THRB: variants seen among roughly 807,000 people sequenced by gnomAD.
The protein encoded by THRB is thyroid hormone receptor beta.
THRB carries 12 observed loss-of-function variants against 47.8 expected under a neutral mutation model. The ratio of observed to expected loss-of-function variants is 0.25; its 90% confidence interval spans 0.16 to 0.41. The LOEUF is 0.41. Among genes scored for constraint, THRB ranks in the 10% least tolerant of loss-of-function variants. The pLI is 1.00. For missense variants in THRB, 348 were observed against 589.2 expected, an observed-to-expected ratio of 0.59 and a Z score of 4.24; for synonymous variants, 218 against 212.2, an observed-to-expected ratio of 1.03 and a Z score of -0.24.
At chr3:24,296,216 G>A (rs1011991511) in intron 3 of THRB, among the ~76,000 whole-genome samples, 2 of 152,200 alleles carry the variant, frequency 1.3e-5, no homozygotes, top group Admixed American at 1.3e-4. Flanking sequence ...TCTTGAAATG[G>A]AGAAAAGGAC....
rs1335047244 is a variant in THRB, at chr3:24,183,442, C to T, written c.283+6632G>A. ...AGTGCAATGGCGCTATCTTGGCTCA[C>T]TGCAACCTCTGCCTCCTGGGTTCCA... On this transcript the variant is annotated intron_variant, in intron 5 of 10. Transcript: ENST00000646209. 2.7e-5 allele frequency among the ~76,000 whole-genome samples: 4 copies of T among 147,910 alleles called. No homozygotes were observed. In the East Asian group the frequency reaches 8.1e-4, roughly 30 times the overall value.
chr3:24,265,583 A>G (rs2052568328), intron 3 of THRB, among the ~76,000 whole-genome samples: 1 of 152,228 alleles, frequency 6.6e-6, no homozygotes, highest in Admixed American at 6.5e-5. Flanking sequence ...TGTCCATTAA[A>G]TTATTTTGCT....
At chr3:24,226,057 A>G (rs546579578) in intron 4 of THRB, among the ~76,000 whole-genome samples, 1 of 152,326 alleles carries the variant, frequency 6.6e-6, no homozygotes, top group East Asian at 1.9e-4. Context: ...CGGTTGAAAG[A>G]GCCTACAAAA....
intron 1 of THRB, among the ~76,000 whole-genome samples, chr3:24,411,069 T>G (rs1236185062): frequency 6.6e-6 from 1 of 151,826 alleles, no homozygotes; most frequent in Non-Finnish European, 1.5e-5. Context: ...TGGCTGGGGT[T>G]AGCAGTGCAG....
intron 3 of THRB, among the ~76,000 whole-genome samples, chr3:24,277,254 C>A (rs150969986): frequency 6.9e-4 from 105 of 152,218 alleles, no homozygotes; most frequent in Non-Finnish European, 1.3e-3. Context: ...GACTGAGGAG[C>A]GGGTGCCACG....
intron 3 of THRB, among the ~76,000 whole-genome samples, chr3:24,272,347 A>AAACAACAACAACAAC (rs35975177): frequency 0.014 from 2,080 of 149,856 alleles, 21 homozygotes; most frequent in African/African-American, 0.025. Context: ...CTCTCTCTCA[A>AAACAACAACAACAAC]AACAACAACA....
chr3:24,441,130 A>G (rs1005956609), intron 1 of THRB, among the ~76,000 whole-genome samples: 6 of 152,192 alleles, frequency 3.9e-5, no homozygotes, highest in Non-Finnish European at 8.8e-5. Context: ...GGCTGTTCTC[A>G]GTTCCTAAAG....
intron 3 of THRB, among the ~76,000 whole-genome samples, chr3:24,296,701 G>A (rs1361063822): frequency 6.6e-6 from 1 of 152,216 alleles, no homozygotes. Context: ...CATAAAGGAG[G>A]TATCCTGTGG....
chr3:24,127,235 T>C (rs1217242795), intron 10 of THRB, among the ~76,000 whole-genome samples: 1 of 152,200 alleles, frequency 6.6e-6, no homozygotes, highest in Non-Finnish European at 1.5e-5. Context: ...GGCTGCACAG[T>C]ATCCACCAAA....
chr3:24,421,171 G>C (rs548827304), intron 1 of THRB, among the ~76,000 whole-genome samples: 1 of 151,952 alleles, frequency 6.6e-6, no homozygotes, highest in South Asian at 2.1e-4. Flanking sequence ...CACATAGAGG[G>C]GAACAATAGA....
intron 3 of THRB, among the ~76,000 whole-genome samples, chr3:24,273,677 A>G (rs1023460797): frequency 8.5e-5 from 13 of 152,160 alleles, no homozygotes; most frequent in African/African-American, 2.9e-4. Flanking sequence ...CTTAGTGTAA[A>G]TATTTGTATG....
At chr3:24,170,062 C>T (rs933899734) in intron 5 of THRB, among the ~76,000 whole-genome samples, 1 of 152,128 alleles carries the variant, frequency 6.6e-6, no homozygotes, top group African/African-American at 2.4e-5. Context: ...ACCTCTGAAA[C>T]CAGGATCCTA....
chr3:24,258,580 T>C (rs2051579923), intron 3 of THRB, among the ~76,000 whole-genome samples: 2 of 152,130 alleles, frequency 1.3e-5, no homozygotes, highest in South Asian at 4.1e-4. Context: ...AGCATGCAGG[T>C]GGGGCCATCT....
chr3:24,378,779 T>C lies in THRB; in HGVS notation c.-260-41408A>G, dbSNP rs1243357261. Among the ~76,000 whole-genome samples the C allele has an allele frequency of 5.9e-5, 9 of 152,270 alleles. No homozygotes were observed. The South Asian group carries it at 1.7e-3, about 28-fold the overall frequency. ...ATTCATAAATACTATTCTAGGAAAC[T>C]AACTTTATTAATAAAAATTTTACTC... is the stretch of plus-strand genomic sequence containing the variant. On this transcript the variant is annotated intron_variant, in intron 1 of 10. Coordinates refer to ENST00000646209, the MANE Select transcript of THRB (RefSeq NM_001354712.2).
intron 5 of THRB, among the ~76,000 whole-genome samples, chr3:24,179,548 T>A (rs2041626470): frequency 6.6e-6 from 1 of 152,190 alleles, no homozygotes; most frequent in South Asian, 2.1e-4. Flanking sequence ...GAGATTAATT[T>A]AGAACAAAAT....
chr3:24,380,056 T>C (rs1005654668), intron 1 of THRB, among the ~76,000 whole-genome samples: 3 of 150,714 alleles, frequency 2.0e-5, no homozygotes, highest in Non-Finnish European at 2.9e-5. Flanking sequence ...ATAAATATTG[T>C]CATCATTTTA....
At chr3:24,321,591 T>C (rs972297307) in intron 2 of THRB, among the ~76,000 whole-genome samples, 1 of 152,128 alleles carries the variant, frequency 6.6e-6, no homozygotes, top group Non-Finnish European at 1.5e-5. Flanking sequence ...TAAGGTTTCA[T>C]AAATTCCTTG....
intron 9 of THRB, among the ~76,000 whole-genome samples, chr3:24,130,221 G>T (rs1275907479): frequency 6.6e-6 from 1 of 152,118 alleles, no homozygotes; most frequent in African/African-American, 2.4e-5. Context: ...AAGGAGAGAT[G>T]GAATCAAAAA....
At chr3:24,257,760 T>C (rs1257180852) in intron 3 of THRB, among the ~76,000 whole-genome samples, 1 of 152,206 alleles carries the variant, frequency 6.6e-6, no homozygotes, top group Non-Finnish European at 1.5e-5. Flanking sequence ...TATAATGCAT[T>C]CAACACACAA....
Sources: gnomAD v4.1 joint callset for allele counts (sites outside exome capture counted in the v4.1 genomes callset) on GRCh38, gnomAD v4.1.1 for gene constraint, MANE v1.5 for transcripts, NCBI Gene and HGNC (gene_info 2026-07-23, HGNC 2026-07-21) for gene names.